SNTG1: variants seen among roughly 807,000 people sequenced by gnomAD.
SNTG1 encodes gamma-1-syntrophin.
A neutral mutation model predicts 74.7 loss-of-function variants in SNTG1; 39 were observed. The observed-to-expected ratio is 0.52, with a 90% CI of 0.40 to 0.68. SNTG1 has a LOEUF of 0.68. Among genes scored for constraint, SNTG1 ranks in the 30% least tolerant of loss-of-function variants. The pLI, the probability that SNTG1 is intolerant of heterozygous loss-of-function variation, is 0.00. For synonymous variants in SNTG1, 254 were observed against 217.1 expected, an observed-to-expected ratio of 1.17 and a Z score of -1.49; for missense variants, 685 against 609.5, an observed-to-expected ratio of 1.12 and a Z score of -1.30.
intron 1 of SNTG1, among the ~76,000 whole-genome samples, chr8:50,150,528 G>A (rs2082030307): frequency 6.6e-6 from 1 of 152,076 alleles, no homozygotes; most frequent in Non-Finnish European, 1.5e-5. Context: ...TTGGCTGTGG[G>A]TTTGTCATAA....
rs192003819 is a variant in SNTG1 at position 50,780,763 on chromosome 8, T to G, written c.1396-11908T>G. 1.2e-3 allele frequency among the ~76,000 whole-genome samples: 182 copies of G among 152,326 alleles called. 1 individual carries two copies. In the East Asian group the frequency reaches 0.012, roughly 10 times the overall value. Reference sequence around the variant, plus strand: ...TCTGCTATCTTTTGAATGTGTTTGCTCTTGTTTTTCTAGTTCTTTTAATTG... The same window carrying G: ...TCTGCTATCTTTTGAATGTGTTTGCGCTTGTTTTTCTAGTTCTTTTAATTG... On this transcript the variant is annotated intron_variant, in intron 18 of 18. Coordinates refer to ENST00000642720, the MANE Select transcript of SNTG1 (RefSeq NM_018967.5).
intron 10 of SNTG1, 34 bp downstream of exon 10, chr8:50,530,293 G>T: frequency 1.3e-6 from 2 of 1,592,868 alleles, no homozygotes; most frequent in Non-Finnish European, 1.7e-6. Flanking sequence ...AGATTAATAA[G>T]GAGATAACAC....
intron 2 of SNTG1, among the ~76,000 whole-genome samples, chr8:50,317,929 C>G (rs377209892): frequency 6.6e-6 from 1 of 152,118 alleles, no homozygotes; most frequent in Non-Finnish European, 1.5e-5. Flanking sequence ...CTCCGCCTCC[C>G]GGGTTCACGC....
chr8:50,048,976 A>G (rs896142578), intron 1 of SNTG1, among the ~76,000 whole-genome samples: 1 of 152,102 alleles, frequency 6.6e-6, no homozygotes, highest in Non-Finnish European at 1.5e-5. Flanking sequence ...TAAATAGTGC[A>G]TCAATATTCT....
At chr8:50,273,863 A>C (rs529817021) in intron 2 of SNTG1, among the ~76,000 whole-genome samples, 22 of 152,274 alleles carry the variant, frequency 1.4e-4, no homozygotes, top group African/African-American at 5.1e-4. Context: ...TTAATGGAGG[A>C]TGTCCTGGAA....
At chr8:50,732,671 T>TA (rs1477860273) in intron 17 of SNTG1, among the ~76,000 whole-genome samples, 1 of 151,926 alleles carries the variant, frequency 6.6e-6, no homozygotes, top group Non-Finnish European at 1.5e-5. Context: ...AATATATATT[T>TA]AAAATTGCTG....
chr8:50,229,758 C>T (rs890944083), intron 2 of SNTG1, among the ~76,000 whole-genome samples: 1 of 151,256 alleles, frequency 6.6e-6, no homozygotes, highest in African/African-American at 2.4e-5. Context: ...TAGAATTATC[C>T]ATCCAGTGGC....
intron 11 of SNTG1, among the ~76,000 whole-genome samples, chr8:50,539,838 G>T (rs868819965): frequency 1.2e-4 from 19 of 152,178 alleles, no homozygotes; most frequent in African/African-American, 4.6e-4. Flanking sequence ...TATTTGACTG[G>T]ATTTGGGCAG....
At chr8:50,345,688 A>G (rs2091451305) in intron 2 of SNTG1, among the ~76,000 whole-genome samples, 1 of 152,234 alleles carries the variant, frequency 6.6e-6, no homozygotes, top group South Asian at 2.1e-4. Flanking sequence ...AGCAATGACT[A>G]TAGACGTTTA....
At chr8:50,067,118 A>C (rs989152194) in intron 1 of SNTG1, among the ~76,000 whole-genome samples, 2 of 152,222 alleles carry the variant, frequency 1.3e-5, no homozygotes, top group African/African-American at 4.8e-5. Flanking sequence ...CTCTTATGAA[A>C]GACATCAAAG....
At chr8:50,619,531 A>G (rs1400061396) in intron 13 of SNTG1, among the ~76,000 whole-genome samples, 1 of 152,138 alleles carries the variant, frequency 6.6e-6, no homozygotes, top group Non-Finnish European at 1.5e-5. Context: ...GGAGACCGAG[A>G]CCATCCCGGC....
intron 2 of SNTG1, among the ~76,000 whole-genome samples, chr8:50,211,472 A>G (rs970848318): frequency 1.3e-5 from 2 of 152,098 alleles, no homozygotes; most frequent in Non-Finnish European, 2.9e-5. Flanking sequence ...TTAATGCATT[A>G]TCTTTCTTAA....
At chr8:50,610,528 C>A (rs1190294278) in intron 13 of SNTG1, among the ~76,000 whole-genome samples, 3 of 152,124 alleles carry the variant, frequency 2.0e-5, no homozygotes, top group Non-Finnish European at 4.4e-5. Flanking sequence ...CAGTGTCTGA[C>A]AATTTCCCCA....
intron 1 of SNTG1, among the ~76,000 whole-genome samples, chr8:49,944,268 G>C (rs1158223762): frequency 2.0e-5 from 3 of 152,034 alleles, no homozygotes; most frequent in Non-Finnish European, 4.4e-5. Context: ...ACTTTATAGA[G>C]CTCTGTAGGC....
At chr8:50,112,579 G>A (rs186104796) in intron 1 of SNTG1, among the ~76,000 whole-genome samples, 2 of 121,646 alleles carry the variant, frequency 1.6e-5, no homozygotes, top group Admixed American at 1.1e-4. Context: ...CTGGAGTGCA[G>A]TGGCACAATC....
chr8:50,398,488 G>T (rs1352574466), intron 3 of SNTG1, among the ~76,000 whole-genome samples: 1 of 152,056 alleles, frequency 6.6e-6, no homozygotes, highest in Admixed American at 6.6e-5. Context: ...TCTAATGATT[G>T]TTTCCTCAAT....
chr8:49,949,117 G>A (rs181963042), intron 1 of SNTG1, among the ~76,000 whole-genome samples: 15 of 152,120 alleles, frequency 9.9e-5, no homozygotes, highest in African/African-American at 3.6e-4. Context: ...TATTCGTTCT[G>A]TCCAGGCCTG....
intron 2 of SNTG1, among the ~76,000 whole-genome samples, chr8:50,221,259 C>G (rs1291297085): frequency 6.6e-6 from 1 of 151,590 alleles, no homozygotes; most frequent in Admixed American, 6.6e-5. Context: ...AAATGTATAG[C>G]CTTTAATGTA....
chr8:50,183,859 G>A (rs1466937733), intron 2 of SNTG1, among the ~76,000 whole-genome samples: 1 of 152,086 alleles, frequency 6.6e-6, no homozygotes. Flanking sequence ...TTTTATCGCT[G>A]TATTTAATAA....
Sources: gnomAD v4.1 joint callset for allele counts (sites outside exome capture counted in the v4.1 genomes callset) on GRCh38, gnomAD v4.1.1 for gene constraint, MANE v1.5 for transcripts, NCBI Gene and HGNC (gene_info 2026-07-23, HGNC 2026-07-21) for gene names.